RBFOX1: variants seen among roughly 807,000 people sequenced by gnomAD.
The protein encoded by RBFOX1 is RNA binding fox-1 homolog 1.
RBFOX1 carries 8 observed loss-of-function variants against 57.7 expected under a neutral mutation model. That is an observed-to-expected ratio of 0.14 (90% confidence interval 0.08 to 0.25). RBFOX1 has a LOEUF of 0.25. Among genes scored for constraint, RBFOX1 ranks in the 10% least tolerant of loss-of-function variants. The probability of loss-of-function intolerance (pLI) is 1.00; values close to 1 mark genes in which losing one functional copy is unlikely to be tolerated. For missense variants in RBFOX1, 611 were observed against 548.5 expected (o/e 1.11, Z -1.14); for synonymous variants, 326 against 222.4 (o/e 1.47, Z -4.15).
intron 3 of RBFOX1, among the ~76,000 whole-genome samples, chr16:7,013,866 C>T (rs1020004721): frequency 2.0e-4 from 31 of 152,216 alleles, no homozygotes; most frequent in Admixed American, 5.9e-4. Flanking sequence ...CCATGTTACC[C>T]AGGTCATTCT....
chr16:7,340,217 C>G (rs1224127038), intron 4 of RBFOX1, among the ~76,000 whole-genome samples: 1 of 152,172 alleles, frequency 6.6e-6, no homozygotes, highest in Non-Finnish European at 1.5e-5. Context: ...AATCTAGGTT[C>G]TTGTTATCAA....
intron 1 of RBFOX1, among the ~76,000 whole-genome samples, chr16:5,389,785 T>G (rs2066354974): frequency 6.6e-6 from 1 of 151,728 alleles, no homozygotes; most frequent in Non-Finnish European, 1.5e-5. Context: ...GCGACTTCCA[T>G]CACCCAGGCT....
At chr16:7,241,447 A>G (rs569743393) in intron 4 of RBFOX1, among the ~76,000 whole-genome samples, 1 of 152,306 alleles carries the variant, frequency 6.6e-6, no homozygotes, top group Admixed American at 6.5e-5. Context: ...TGGTTGTTTA[A>G]TTAAACCCTT....
chr16:7,615,402 G>C (rs978319442), intron 10 of RBFOX1, among the ~76,000 whole-genome samples: 1 of 152,164 alleles, frequency 6.6e-6, no homozygotes, highest in South Asian at 2.1e-4. Flanking sequence ...CCACATGCCA[G>C]AGTTCATGTT....
At chr16:7,414,631 A>T (rs926510214) in intron 4 of RBFOX1, among the ~76,000 whole-genome samples, 4 of 152,142 alleles carry the variant, frequency 2.6e-5, no homozygotes, top group African/African-American at 9.6e-5. Flanking sequence ...TTATTTATTT[A>T]TTTTGAGATC....
At chr16:7,134,101 A>G (rs1053487042) in intron 4 of RBFOX1, among the ~76,000 whole-genome samples, 2 of 152,334 alleles carry the variant, frequency 1.3e-5, no homozygotes, top group Non-Finnish European at 2.9e-5. Flanking sequence ...TATGCTGTAT[A>G]AAATTGACTG....
intron 1 of RBFOX1, among the ~76,000 whole-genome samples, chr16:6,077,084 C>A (rs1019980359): frequency 7.9e-5 from 12 of 152,268 alleles, no homozygotes; most frequent in African/African-American, 2.9e-4. Flanking sequence ...GATGGGTAAT[C>A]CTCTGTGGTG....
chr16:7,115,644 C>T (rs1224100400), intron 4 of RBFOX1, among the ~76,000 whole-genome samples: 1 of 152,196 alleles, frequency 6.6e-6, no homozygotes, highest in Non-Finnish European at 1.5e-5. Flanking sequence ...ATAGCTCCTC[C>T]AGAATAAGCA....
At chr16:6,782,073 C>T (rs1473926390) in intron 3 of RBFOX1, among the ~76,000 whole-genome samples, 2 of 152,194 alleles carry the variant, frequency 1.3e-5, no homozygotes, top group Non-Finnish European at 2.9e-5. Flanking sequence ...GTGGTATGTT[C>T]TTGGCTCACT....
At chr16:6,505,317 T>C (rs1047918528) in intron 2 of RBFOX1, among the ~76,000 whole-genome samples, 1 of 152,148 alleles carries the variant, frequency 6.6e-6, no homozygotes, top group Non-Finnish European at 1.5e-5. Flanking sequence ...CATCACTCAA[T>C]TGAGCTTTGT....
intron 1 of RBFOX1, among the ~76,000 whole-genome samples, chr16:5,395,013 G>A (rs562042794): frequency 4.6e-5 from 7 of 152,212 alleles, no homozygotes; most frequent in African/African-American, 7.2e-5. Context: ...CCAGTTGCTC[G>A]GAGTCCCACA....
At chr16:6,361,927 A>G (rs1226567425) in intron 2 of RBFOX1, among the ~76,000 whole-genome samples, 1 of 152,108 alleles carries the variant, frequency 6.6e-6, no homozygotes, top group Non-Finnish European at 1.5e-5. Flanking sequence ...TTCATTCAAC[A>G]AACACTTCTC....
intron 1 of RBFOX1, among the ~76,000 whole-genome samples, chr16:5,245,326 A>G (rs1445003629): frequency 7.9e-5 from 12 of 152,270 alleles, no homozygotes; most frequent in Non-Finnish European, 1.2e-4. Context: ...CTTTGGACTC[A>G]TTGGCTGAGG....
rs147788630 is a variant in RBFOX1, at chr16:6,906,939, G to A, written c.-15-145118G>A. 6.6e-3 allele frequency among the ~76,000 whole-genome samples: 1,001 copies of A among 152,158 alleles called. 13 individuals are homozygous for A. Among genetic ancestry groups the A allele is most frequent in the African/African-American group, 0.023 (946 of 41,512 alleles). On this transcript the variant is annotated intron_variant, in intron 3 of 15. Transcript: ENST00000550418. The stretch of plus-strand genomic sequence containing the variant: ...GGGTTTCACCATGTTGGCCAGGCTG[G>A]TCTTGAACTCCTGACCTTAAGTGAT...
At position 6,673,560 on chromosome 16, in the gene RBFOX1, C is replaced by T. The variant is rs553521190; in HGVS notation, c.-16+18910C>T. Among the ~76,000 whole-genome samples, 42 of 152,210 alleles carry T rather than the reference C, an allele frequency of 2.8e-4. 1 individual carries two copies. Among genetic ancestry groups the T allele is most frequent in the South Asian group, 2.7e-3 (13 of 4,812 alleles). On this transcript the variant is annotated intron_variant, in intron 3 of 15. Coordinates refer to ENST00000550418, the MANE Select transcript of RBFOX1 (RefSeq NM_018723.4). ...TGGAGGTTGTAGTGAGCCTACATTG[C>T]GCCACTGCACTCAAGCCTGGGAGAC...
chr16:6,906,240 C>T (rs934294937), intron 3 of RBFOX1, among the ~76,000 whole-genome samples: 1 of 67,038 alleles, frequency 1.5e-5, no homozygotes, highest in Non-Finnish European at 2.7e-5. Context: ...CAATTTATTA[C>T]CCCCCCCCAA....
chr16:6,792,846 T>G (rs566686211), intron 3 of RBFOX1, among the ~76,000 whole-genome samples: 1 of 152,044 alleles, frequency 6.6e-6, no homozygotes, highest in Non-Finnish European at 1.5e-5. Context: ...CTGGACAAGA[T>G]GGTGAAACCC....
chr16:5,532,396 G>A (rs962787685), intron 2 of RBFOX1, among the ~76,000 whole-genome samples: 12 of 152,276 alleles, frequency 7.9e-5, no homozygotes, highest in South Asian at 6.2e-4. Context: ...TCAGTACCAC[G>A]TGAAGTTTCT....
intron 3 of RBFOX1, among the ~76,000 whole-genome samples, chr16:6,865,682 A>T (rs2059794960): frequency 6.6e-6 from 1 of 152,182 alleles, no homozygotes; most frequent in African/African-American, 2.4e-5. Flanking sequence ...TAATTCCTTT[A>T]GTTAATAAGT....
Sources: gnomAD v4.1 joint callset for allele counts (sites outside exome capture counted in the v4.1 genomes callset) on GRCh38, gnomAD v4.1.1 for gene constraint, MANE v1.5 for transcripts, NCBI Gene and HGNC (gene_info 2026-07-23, HGNC 2026-07-21) for gene names.